VIT: variants seen among roughly 807,000 people sequenced by gnomAD.
VIT encodes vitrin.
In VIT, 99 loss-of-function variants were observed where a neutral mutation model predicts 78.0. The observed-to-expected ratio is 1.27, with a 90% confidence interval of 1.08 to 1.50. The LOEUF is 1.50. Ranked by LOEUF, VIT falls within the 40% of genes most tolerant of loss-of-function variation. VIT has a pLI of 0.00. For synonymous variants in VIT, 374 were observed against 334.3 expected (o/e 1.12, Z -1.29); for missense variants, 1,126 against 875.3 (o/e 1.29, Z -3.61).
intron 3 of VIT, among the ~76,000 whole-genome samples, chr2:36,732,854 C>T (rs888125415): frequency 3.9e-5 from 6 of 152,174 alleles, no homozygotes; most frequent in East Asian, 1.9e-4. Flanking sequence ...ATGACACACA[C>T]GGATTCTGAA....
chr2:36,700,407 T>C (rs908510141), intron 1 of VIT, among the ~76,000 whole-genome samples: 3 of 152,026 alleles, frequency 2.0e-5, no homozygotes, highest in Non-Finnish European at 4.4e-5. Context: ...GCGGTGGTGG[T>C]GGCGATGTTA....
intron 3 of VIT, among the ~76,000 whole-genome samples, chr2:36,730,264 G>T (rs532863857): frequency 6.6e-6 from 1 of 151,454 alleles, no homozygotes; most frequent in Non-Finnish European, 1.5e-5. Flanking sequence ...CTCCAGCCTG[G>T]GCCACAGAGT....
At chr2:36,786,076 G>T (rs1665072951) in intron 11 of VIT, among the ~76,000 whole-genome samples, 1 of 152,146 alleles carries the variant, frequency 6.6e-6, no homozygotes, top group African/African-American at 2.4e-5. Context: ...AGAGGTGCAG[G>T]TCCGTCTGGC....
At chr2:36,753,584 G>A (rs568979618) in intron 4 of VIT, among the ~76,000 whole-genome samples, 123 of 152,264 alleles carry the variant, frequency 8.1e-4, no homozygotes, top group African/African-American at 2.8e-3. Context: ...AGGTAGCAAA[G>A]TCATGTCAGA....
At chr2:36,802,249 A>T (rs1666384980) in intron 13 of VIT, among the ~76,000 whole-genome samples, 2 of 152,102 alleles carry the variant, frequency 1.3e-5, no homozygotes, top group Non-Finnish European at 2.9e-5. Flanking sequence ...AAGCTCAAAG[A>T]CTGTCAAAGA....
intron 6 of VIT, 127 bp downstream of exon 6, chr2:36,759,173 A>G: frequency 6.3e-7 from 1 of 1,590,204 alleles, no homozygotes; most frequent in East Asian, 2.3e-5. Flanking sequence ...ATATTTTAAC[A>G]GATGCCAGGA....
chr2:36,768,857 G>A (rs1212411751), intron 7 of VIT, among the ~76,000 whole-genome samples: 1 of 152,148 alleles, frequency 6.6e-6, no homozygotes, highest in African/African-American at 2.4e-5. Flanking sequence ...TATACTGCAT[G>A]TATTATCTTA....
intron 12 of VIT, among the ~76,000 whole-genome samples, chr2:36,798,296 G>A (rs1015222595): frequency 6.6e-6 from 1 of 152,148 alleles, no homozygotes; most frequent in South Asian, 2.1e-4. Context: ...ATTCTTAGGG[G>A]CAGCCAGAAG....
intron 2 of VIT, among the ~76,000 whole-genome samples, chr2:36,717,000 C>T (rs1342142975): frequency 3.3e-5 from 5 of 150,794 alleles, no homozygotes; most frequent in African/African-American, 1.2e-4. Flanking sequence ...CCTCAGCCTC[C>T]CAAGTAGCTG....
At chr2:36,796,430 A>G (rs1665906650) in intron 12 of VIT, among the ~76,000 whole-genome samples, 1 of 152,190 alleles carries the variant, frequency 6.6e-6, no homozygotes, top group Admixed American at 6.5e-5. Context: ...GCTCATGGCA[A>G]CTGCAACTTT....
At chr2:36,757,326 G>A (rs1016789531) in intron 5 of VIT, among the ~76,000 whole-genome samples, 6 of 152,316 alleles carry the variant, frequency 3.9e-5, no homozygotes, top group South Asian at 4.1e-4. Flanking sequence ...GGAGATGTAC[G>A]TTTACGGCCC....
intron 15 of VIT, among the ~76,000 whole-genome samples, chr2:36,812,930 G>A (rs1464915710): frequency 7.0e-6 from 1 of 143,756 alleles, no homozygotes; most frequent in African/African-American, 2.6e-5. Flanking sequence ...GTGCCATCTC[G>A]GCTCACTGCA....
intron 4 of VIT, 75 bp downstream of exon 4, chr2:36,743,331 A>C (rs1572457422): frequency 1.4e-6 from 2 of 1,402,078 alleles, no homozygotes; most frequent in East Asian, 4.8e-5. Flanking sequence ...CAAGGTTGCC[A>C]TATTTAGCAA....
At chr2:36,780,207 T>C (rs1181917858) in intron 9 of VIT, among the ~76,000 whole-genome samples, 1 of 152,220 alleles carries the variant, frequency 6.6e-6, no homozygotes, top group Non-Finnish European at 1.5e-5. Context: ...GACAGGCTTC[T>C]AGGACAGGAG....
chr2:36,705,319 C>T (rs968701899), intron 1 of VIT, among the ~76,000 whole-genome samples: 7 of 152,132 alleles, frequency 4.6e-5, no homozygotes, highest in Non-Finnish European at 7.3e-5. Flanking sequence ...TGGGGCATGC[C>T]TGCAAACTAG....
At chr2:36,793,860 G>A (rs1271806971) in intron 12 of VIT, among the ~76,000 whole-genome samples, 11 of 152,176 alleles carry the variant, frequency 7.2e-5, no homozygotes, top group East Asian at 1.9e-4. Flanking sequence ...AACAGAATAG[G>A]TACTTTAGGA....
At chr2:36,772,713 A>G (rs555701775) in intron 7 of VIT, among the ~76,000 whole-genome samples, 1 of 152,344 alleles carries the variant, frequency 6.6e-6, no homozygotes, top group African/African-American at 2.4e-5. Context: ...ACTGAAAACA[A>G]AAAATAAACA....
chr2:36,704,710 G>A (rs1665301489), intron 1 of VIT, among the ~76,000 whole-genome samples: 1 of 152,086 alleles, frequency 6.6e-6, no homozygotes, highest in Admixed American at 6.5e-5. Flanking sequence ...TTTTACCCAG[G>A]TCTCTGGTTG....
chr2:36,796,760 C>G (rs1230837151), intron 12 of VIT, among the ~76,000 whole-genome samples: 1 of 151,978 alleles, frequency 6.6e-6, no homozygotes, highest in African/African-American at 2.4e-5. Flanking sequence ...AACCACCATG[C>G]CTGGCCTGTA....
Sources: gnomAD v4.1 joint callset for allele counts (sites outside exome capture counted in the v4.1 genomes callset) on GRCh38, gnomAD v4.1.1 for gene constraint, MANE v1.5 for transcripts, NCBI Gene and HGNC (gene_info 2026-07-23, HGNC 2026-07-21) for gene names.